Variants in SOX5 observed in about 807,000 individuals in gnomAD.
SOX5 encodes SRY-box transcription factor 5.
A neutral mutation model predicts 92.0 loss-of-function variants in SOX5; 9 were observed. The ratio of observed to expected loss-of-function variants is 0.10; its 90% CI spans 0.06 to 0.17. The LOEUF (loss-of-function observed/expected upper bound fraction) is 0.17. SOX5 is among the 10% of genes least tolerant of loss of function. SOX5 has a pLI of 1.00. For synonymous variants in SOX5, 344 were observed against 336.3 expected (o/e 1.02, Z -0.25); for missense variants, 642 against 944.5 (o/e 0.68, Z 4.20).
chr12:23,847,564 T>C (rs987498960), intron 2 of SOX5, among the ~76,000 whole-genome samples: 1 of 152,094 alleles, frequency 6.6e-6, no homozygotes, highest in African/African-American at 2.4e-5. Context: ...ACAAACATAA[T>C]CTGTTAATAT....
At chr12:24,347,583 T>C (rs75811756) in intron 2 of SOX5, among the ~76,000 whole-genome samples, 4,774 of 152,238 alleles carry the variant, frequency 0.031, 248 homozygotes, top group African/African-American at 0.1. Context: ...AATAATGACA[T>C]TTTCATCATA....
chr12:24,143,982 AGAC>A (rs1180828332), intron 4 of SOX5, among the ~76,000 whole-genome samples: 1 of 152,156 alleles, frequency 6.6e-6, no homozygotes, highest in Non-Finnish European at 1.5e-5. Context: ...GTTCTTAAAA[AGAC>A]AAGACCCCAA....
At chr12:23,538,026 C>T (rs534174018) in intron 13 of SOX5, among the ~76,000 whole-genome samples, 19 of 152,018 alleles carry the variant, frequency 1.2e-4, no homozygotes, top group African/African-American at 4.6e-4. Context: ...CAACTCAACG[C>T]GAATGCACAA....
In SOX5 at chr12:23,581,874, G is replaced by A. The variant is rs569683996; in HGVS notation, c.1165-6036C>T. On this transcript the variant is annotated intron_variant, in intron 9 of 14. Coordinates refer to ENST00000451604, the MANE Select transcript of SOX5 (RefSeq NM_006940.6). ...ATAAAAACACTTTGATTCTTCAACA[G>A]CCACACAATGATTGAAAAAATATAT... 8.0e-5 allele frequency among the ~76,000 whole-genome samples: 12 copies of A among 150,936 alleles called. No individual in the cohort carries two copies. The South Asian group carries it at 2.1e-3, about 27-fold the overall frequency.
chr12:24,394,242 T>C (rs1275979905), intron 1 of SOX5, among the ~76,000 whole-genome samples: 1 of 152,040 alleles, frequency 6.6e-6, no homozygotes, highest in African/African-American at 2.4e-5. Context: ...CATCCTCACC[T>C]GAGAAGGAAA....
chr12:23,546,515 C>T (rs1394087086), intron 11 of SOX5, 91 bp from the exon 12 acceptor site: 1 of 707,586 alleles, frequency 1.4e-6, no homozygotes, highest in Non-Finnish European at 2.4e-6. Flanking sequence ...TACATTAACT[C>T]CTGGAAAGGA....
intron 1 of SOX5, among the ~76,000 whole-genome samples, chr12:23,904,462 AAGAT>A (rs2097269970): frequency 6.6e-6 from 1 of 152,238 alleles, no homozygotes; most frequent in African/African-American, 2.4e-5. Context: ...AATAATAAAA[AAGAT>A]AAACTTCCTT....
intron 3 of SOX5, among the ~76,000 whole-genome samples, chr12:24,228,557 G>A (rs911482749): frequency 2.6e-5 from 4 of 152,000 alleles, no homozygotes; most frequent in African/African-American, 4.8e-5. Flanking sequence ...ACTGGCAGCC[G>A]CTACCAAGTT....
chr12:23,787,303 G>T (rs2095398073), intron 3 of SOX5, among the ~76,000 whole-genome samples: 8 of 151,940 alleles, frequency 5.3e-5, no homozygotes, highest in Admixed American at 5.2e-4. Context: ...GAAGAGATCT[G>T]ACATTCTGAA....
chr12:24,529,399 G>A (rs572653871), intron 1 of SOX5, among the ~76,000 whole-genome samples: 3 of 152,208 alleles, frequency 2.0e-5, no homozygotes, highest in East Asian at 1.9e-4. Flanking sequence ...CACAGCTACT[G>A]GGATCTTTGT....
intron 4 of SOX5, among the ~76,000 whole-genome samples, chr12:24,113,381 A>G (rs1947606146): frequency 6.6e-6 from 1 of 151,900 alleles, no homozygotes; most frequent in African/African-American, 2.4e-5. Flanking sequence ...GAAAAAATGA[A>G]GTATAATATT....
At chr12:24,151,859 G>A (rs1279635520) in intron 4 of SOX5, among the ~76,000 whole-genome samples, 2 of 151,582 alleles carry the variant, frequency 1.3e-5, no homozygotes, top group Non-Finnish European at 2.9e-5. Context: ...GATGCAAGAA[G>A]TAAAAAAATA....
intron 2 of SOX5, among the ~76,000 whole-genome samples, chr12:23,868,459 T>C (rs1331208693): frequency 2.0e-5 from 3 of 152,150 alleles, no homozygotes; most frequent in African/African-American, 4.8e-5. Flanking sequence ...CTCATTGTCA[T>C]TTCTCATACT....
At chr12:24,394,180 A>T (rs1959242334) in intron 1 of SOX5, among the ~76,000 whole-genome samples, 1 of 152,132 alleles carries the variant, frequency 6.6e-6, no homozygotes, top group Non-Finnish European at 1.5e-5. Context: ...ATCATGCCCC[A>T]TCATACTAAG....
intron 1 of SOX5, among the ~76,000 whole-genome samples, chr12:23,924,110 T>C (rs557633019): frequency 1.3e-5 from 2 of 152,332 alleles, no homozygotes; most frequent in South Asian, 4.1e-4. Context: ...ATTCAACAAA[T>C]ATTTACAGAA....
chr12:24,413,410 T>C (rs1233411079), intron 1 of SOX5, among the ~76,000 whole-genome samples: 1 of 152,218 alleles, frequency 6.6e-6, no homozygotes, highest in Non-Finnish European at 1.5e-5. Context: ...TACATATTTT[T>C]CCATTTTTTT....
chr12:24,273,570 C>T (rs1316342743), intron 3 of SOX5, among the ~76,000 whole-genome samples: 1 of 152,146 alleles, frequency 6.6e-6, no homozygotes, highest in Non-Finnish European at 1.5e-5. Context: ...CTGCCCATTT[C>T]TCTTGCATTT....
chr12:23,938,094 T>G (rs1425558733), intron 1 of SOX5, among the ~76,000 whole-genome samples: 1 of 151,042 alleles, frequency 6.6e-6, no homozygotes, highest in Non-Finnish European at 1.5e-5. Context: ...GTATTCACTG[T>G]TCTCCACAAA....
chr12:23,679,231 T>C (rs17472109), intron 6 of SOX5, among the ~76,000 whole-genome samples: 4,100 of 152,186 alleles, frequency 0.027, 161 homozygotes, highest in African/African-American at 0.082. Context: ...CCTAAGATGA[T>C]GCCTTGGGTC....
Sources: allele counts gnomAD v4.1 joint callset (sites outside exome capture counted in the v4.1 genomes callset), GRCh38; gene constraint gnomAD v4.1.1; transcripts MANE v1.5; gene names NCBI Gene and HGNC (gene_info 2026-07-23, HGNC 2026-07-21).